The following SKAP2 variants were observed in gnomAD, a reference collection of about 807,000 sequenced individuals.
The protein encoded by SKAP2 is src kinase associated phosphoprotein 2.
SKAP2 carries 28 observed loss-of-function variants against 54.9 expected under a neutral mutation model. The ratio of observed to expected loss-of-function variants is 0.51; its 90% CI spans 0.38 to 0.70. SKAP2 has a LOEUF of 0.70. Ranked by LOEUF, SKAP2 falls within the 30% of genes least tolerant of loss-of-function variation. SKAP2 has a pLI of 0.00. For missense variants in SKAP2, 356 were observed against 424.1 expected (o/e 0.84, Z 1.41); for synonymous variants, 137 against 134.3 (o/e 1.02, Z -0.14).
chr7:26,717,454 G>A (rs748914681), intron 9 of SKAP2, among the ~76,000 whole-genome samples: 42 of 131,642 alleles, frequency 3.2e-4, no homozygotes, highest in Non-Finnish European at 5.4e-4. Flanking sequence ...AGGTTGCAGT[G>A]AGCCAAGATC....
chr7:26,682,473 G>A (rs1355785570), intron 11 of SKAP2, among the ~76,000 whole-genome samples: 1 of 152,068 alleles, frequency 6.6e-6, no homozygotes, highest in Non-Finnish European at 1.5e-5. Context: ...GATTCCACTA[G>A]GTCCACAGCT....
At chr7:26,789,329 A>G (rs1193675700) in intron 4 of SKAP2, among the ~76,000 whole-genome samples, 1 of 152,212 alleles carries the variant, frequency 6.6e-6, no homozygotes, top group Non-Finnish European at 1.5e-5. Context: ...AGTAGGATTT[A>G]TAAGTGCCAC....
chr7:26,834,021 G>A (rs1313110112), intron 4 of SKAP2, among the ~76,000 whole-genome samples: 1 of 152,184 alleles, frequency 6.6e-6, no homozygotes, highest in Non-Finnish European at 1.5e-5. Context: ...AAGTAAATTA[G>A]AACTCAGGAT....
chr7:26,812,237 G>A (rs923538130), intron 4 of SKAP2, among the ~76,000 whole-genome samples: 2 of 152,140 alleles, frequency 1.3e-5, no homozygotes, highest in Admixed American at 6.5e-5. Flanking sequence ...TAAGTAAATA[G>A]AGTGATGGTC....
chr7:26,762,620 G>A (rs377583383), intron 4 of SKAP2, among the ~76,000 whole-genome samples: 178 of 151,886 alleles, frequency 1.2e-3, no homozygotes, highest in Admixed American at 2.2e-3. Flanking sequence ...GGCAGATCAC[G>A]AAGTCAGGAG....
At chr7:26,792,400 T>C (rs1562612156) in intron 4 of SKAP2, among the ~76,000 whole-genome samples, 1 of 152,206 alleles carries the variant, frequency 6.6e-6, no homozygotes, top group Non-Finnish European at 1.5e-5. Context: ...TGAGAAAAGA[T>C]CTTGAGTAAA....
rs561385622 is a variant in SKAP2 at position 26,719,830 on chromosome 7, G to C, written c.796+5598C>G. Reference sequence around the variant, plus strand: ...TAAGAAAACCTGTGTCCATAAAAATGAATTAACTCATATGGAGCTTAGGTT... The same window carrying C: ...TAAGAAAACCTGTGTCCATAAAAATCAATTAACTCATATGGAGCTTAGGTT... On this transcript the variant is annotated intron_variant, in intron 9 of 12. Transcript: ENST00000345317. Among the ~76,000 whole-genome samples the C allele has an allele frequency of 5.9e-5, 9 of 152,230 alleles. No homozygotes were observed. In the South Asian group the frequency reaches 1.7e-3, roughly 28 times the overall value.
chr7:26,842,719 AAAT>A (rs1433430328), intron 4 of SKAP2, among the ~76,000 whole-genome samples: 1 of 151,940 alleles, frequency 6.6e-6, no homozygotes, highest in African/African-American at 2.4e-5. Flanking sequence ...AGTACCACTT[AAAT>A]AATAATTCAT....
rs1584342524 is a variant in SKAP2 at position 26,706,716 on chromosome 7, A to G, written c.797-16354T>C. ...AAAAACTGGTTTGACTTTCTAGGGGAGAAAATGATTGATCAGCACACAGAA... is the reference window on the plus strand; with the variant it reads ...AAAAACTGGTTTGACTTTCTAGGGGGGAAAATGATTGATCAGCACACAGAA... On this transcript the variant is annotated intron_variant, in intron 9 of 12. Transcript: ENST00000345317. Among the ~76,000 whole-genome samples the G allele has an allele frequency of 2.0e-5, 3 of 152,216 alleles. No individual in the cohort carries two copies. The East Asian group carries it at 5.8e-4, about 29-fold the overall frequency.
At chr7:26,756,289 T>C (rs1431196496) in intron 4 of SKAP2, among the ~76,000 whole-genome samples, 1 of 152,204 alleles carries the variant, frequency 6.6e-6, no homozygotes, top group African/African-American at 2.4e-5. Context: ...TAACTCATCA[T>C]TTACATTAGG....
chr7:26,704,315 T>C (rs1043617368), intron 9 of SKAP2, among the ~76,000 whole-genome samples: 1 of 152,120 alleles, frequency 6.6e-6, no homozygotes, highest in Non-Finnish European at 1.5e-5. Context: ...CTAAATGTGA[T>C]GAAAAAACAG....
At chr7:26,744,543 G>C (rs1428630391) in intron 4 of SKAP2, among the ~76,000 whole-genome samples, 2 of 152,144 alleles carry the variant, frequency 1.3e-5, no homozygotes, top group Admixed American at 6.5e-5. Context: ...TTGGGGGAGA[G>C]AGAGAAAGAG....
At position 26,670,088 on chromosome 7, in the gene SKAP2, T is replaced by C; in HGVS notation, c.*9+3A>G. The C allele has an allele frequency of 8.3e-7, 1 of 1,198,844 alleles. No homozygotes were observed. 74.3% of individuals were successfully genotyped at this position (1,198,844 alleles called of 1,614,324 possible). A position where few individuals can be genotyped will look rare whatever the true frequency, so the allele number is the denominator to read the frequency against. On this transcript the variant is annotated splice_donor_region_variant and intron_variant, in intron 12 of 12. Coordinates refer to ENST00000345317, the MANE Select transcript of SKAP2 (RefSeq NM_003930.5). ...ACAGAATATTGGATTAAAATGTACT[T>C]ACCCAGGACTCTCAAATATCATACA...
chr7:26,788,464 T>A (rs1783604659), intron 4 of SKAP2, among the ~76,000 whole-genome samples: 1 of 152,126 alleles, frequency 6.6e-6, no homozygotes, highest in African/African-American at 2.4e-5. Flanking sequence ...AAGTAATAAT[T>A]AGCTTATTTT....
At chr7:26,740,822 C>T (rs201197954) in intron 4 of SKAP2, among the ~76,000 whole-genome samples, 1 of 152,022 alleles carries the variant, frequency 6.6e-6, no homozygotes, top group Non-Finnish European at 1.5e-5. Context: ...CTGGTCTCTA[C>T]TAAAACTACA....
chr7:26,687,182 C>T (rs1449767626), intron 10 of SKAP2, among the ~76,000 whole-genome samples: 2 of 149,600 alleles, frequency 1.3e-5, no homozygotes, highest in Non-Finnish European at 3.0e-5. Context: ...CTGAAACTCC[C>T]ATTAACACTA....
chr7:26,780,929 GAGTCTCAGGCCAT>G (rs569857500), intron 4 of SKAP2, among the ~76,000 whole-genome samples: 346 of 152,210 alleles, frequency 2.3e-3, no homozygotes, highest in Admixed American at 4.8e-3. Context: ...CGTATCATCT[GAGTCTCAGGCCAT>G]AGTGTATTAA....
chr7:26,763,088 C>T (rs1251086681), intron 4 of SKAP2, among the ~76,000 whole-genome samples: 1 of 152,086 alleles, frequency 6.6e-6, no homozygotes, highest in Non-Finnish European at 1.5e-5. Flanking sequence ...ATGTTGTCTT[C>T]AAGTCTGAGA....
chr7:26,759,104 G>C (rs1782866914), intron 4 of SKAP2, among the ~76,000 whole-genome samples: 1 of 152,166 alleles, frequency 6.6e-6, no homozygotes, highest in Non-Finnish European at 1.5e-5. Context: ...AACTGTGCCA[G>C]GTAATAACTA....
Sources: gnomAD v4.1 joint callset for allele counts (sites outside exome capture counted in the v4.1 genomes callset) on GRCh38, gnomAD v4.1.1 for gene constraint, MANE v1.5 for transcripts, NCBI Gene and HGNC (gene_info 2026-07-23, HGNC 2026-07-21) for gene names.